USP9X: variants seen among roughly 807,000 people sequenced by gnomAD.
USP9X encodes ubiquitin specific peptidase 9 X-linked.
In USP9X, 7 loss-of-function variants were observed where a neutral mutation model predicts 190.3. That is an observed-to-expected ratio of 0.04 (90% confidence interval 0.02 to 0.07). The LOEUF (loss-of-function observed/expected upper bound fraction) is 0.07, where lower values mean the gene tolerates loss of function less well. USP9X is among the 10% of genes least tolerant of loss of function. USP9X has a pLI of 1.00. For missense variants in USP9X, 1,010 were observed against 1,916.9 expected (o/e 0.53, Z 8.83); for synonymous variants, 645 against 659.5 (o/e 0.98, Z 0.34).
chrX:41,155,614 C>T (rs1051013963), intron 14 of USP9X, among the ~76,000 whole-genome samples: 2 of 111,561 alleles, frequency 1.8e-5, no homozygotes, highest in Non-Finnish European at 3.8e-5. Context: ...GAACGTTTTC[C>T]ACACAAAAAG....
intron 18 of USP9X, 61 bp downstream of exon 18, chrX:41,168,279 T>G: frequency 1.0e-6 from 1 of 997,230 alleles, no homozygotes; most frequent in Non-Finnish European, 1.3e-6. Context: ...TCCTAGCCAT[T>G]TGGTAAAAGG....
At chrX:41,180,558 A>AT (rs774124085) in intron 21 of USP9X, among the ~76,000 whole-genome samples, 3 of 112,625 alleles carry the variant, frequency 2.7e-5, no homozygotes, top group Non-Finnish European at 5.6e-5. Context: ...CTTTGGACTC[A>AT]AATGGACTTG....
intron 32 of USP9X, among the ~76,000 whole-genome samples, chrX:41,207,708 G>A (rs1193583855): frequency 9.0e-6 from 1 of 110,872 alleles, no homozygotes; most frequent in Non-Finnish European, 1.9e-5. Flanking sequence ...GGTGCTTCCC[G>A]GCCAGCTGAG....
chrX:41,182,791 A>G (rs1227960190), intron 21 of USP9X, among the ~76,000 whole-genome samples: 3 of 111,439 alleles, frequency 2.7e-5, no homozygotes, highest in Admixed American at 9.5e-5. Context: ...ATTTTATTAT[A>G]AAAACTATTT....
rs369048101 is a variant in USP9X at position 41,129,187 on chromosome X, A to G, written c.242+42A>G. 24 of 1,169,387 alleles carry G rather than the reference A, an allele frequency of 2.1e-5. No individual in the cohort carries two copies. The African/African-American group carries it at 3.8e-4, about 18-fold the overall frequency. Reference sequence around the variant, plus strand: ...CACCCAAGAAAGAGAGCAGACAGGAAAGTAACCCCACTGCCTCCTTAATAG... The same window carrying G: ...CACCCAAGAAAGAGAGCAGACAGGAGAGTAACCCCACTGCCTCCTTAATAG... On this transcript the variant is annotated intron_variant, in intron 3 of 44. Transcript: ENST00000378308.
intron 36 of USP9X, among the ~76,000 whole-genome samples, chrX:41,217,577 T>C (rs1236027789): frequency 9.0e-6 from 1 of 111,510 alleles, no homozygotes; most frequent in African/African-American, 3.3e-5. Context: ...ATCTTTGACA[T>C]CCCTGCACCA....
In USP9X at chrX:41,218,364, T is replaced by C; in HGVS notation, c.6210-8T>C. The C allele has an allele frequency of 8.3e-7, 1 of 1,207,722 alleles. No individual in the cohort carries two copies. Among genetic ancestry groups the C allele is most frequent in the Non-Finnish European group, 1.1e-6 (1 of 893,352 alleles). On this transcript the variant is annotated splice_region_variant and splice_polypyrimidine_tract_variant and intron_variant, in intron 36 of 44. Transcript: ENST00000378308. Reference sequence around the variant, plus strand: ...TTAATAGTCATAGGTTTTTTTGTTTTATTTTAGGTATGATGCATTGTGTAT... The same window carrying C: ...TTAATAGTCATAGGTTTTTTTGTTTCATTTTAGGTATGATGCATTGTGTAT...
At chrX:41,099,123 A>C (rs376459451) in intron 1 of USP9X, among the ~76,000 whole-genome samples, 2 of 41,608 alleles carry the variant, frequency 4.8e-5, no homozygotes, top group Admixed American at 7.1e-4. Context: ...TTTTTTTTTT[A>C]AACAGAGATG....
chrX:41,178,084 CTTTTTTTTTTTTTTT>C (rs758055868), intron 21 of USP9X, among the ~76,000 whole-genome samples: 5 of 34,294 alleles, frequency 1.5e-4, no homozygotes, highest in Admixed American at 1.2e-3. Context: ...AGGTTTAAAT[CTTTTTTTTTTTTTTT>C]TTTTTTTTTT....
chrX:41,236,075 G>T lies in USP9X; in HGVS notation c.*3551G>T, dbSNP rs1024433303. On this transcript the variant is annotated 3_prime_UTR_variant, in exon 45 of 45. Coordinates refer to ENST00000378308, the MANE Select transcript of USP9X (RefSeq NM_001039591.3). ...TGGATAAGAAAATTGCCTTTTCATT[G>T]TAAGTGCCCAGTTTTGGTCTCTAGT... 43 of 110,710 alleles carry T rather than the reference G, an allele frequency of 3.9e-4. No homozygotes were observed. The highest frequency in any genetic ancestry group is 1.1e-3 in the South Asian group (3 of 2,640). The allele number at this position is 110,710 out of a possible 1,213,427, so 9.1% of individuals were successfully genotyped here.
intron 26 of USP9X, among the ~76,000 whole-genome samples, chrX:41,194,384 G>T (rs893278640): frequency 5.4e-5 from 6 of 110,890 alleles, no homozygotes; most frequent in African/African-American, 2.0e-4. Context: ...GAAAAACGCC[G>T]TCTCTACTAA....
At chrX:41,229,983 C>G (rs2063345901) in intron 43 of USP9X, 3 of 638,394 alleles carry the variant, frequency 4.7e-6, no homozygotes, top group Admixed American at 8.4e-5. Context: ...GGCGGATCAC[C>G]TGAGGTCAGG....
intron 1 of USP9X, among the ~76,000 whole-genome samples, chrX:41,101,113 A>G (rs1462826057): frequency 2.7e-5 from 3 of 111,885 alleles, no homozygotes; most frequent in Non-Finnish European, 3.8e-5. Context: ...TTTATATACT[A>G]TATTTTAAAT....
intron 1 of USP9X, among the ~76,000 whole-genome samples, chrX:41,105,030 C>T (rs1004258060): frequency 9.0e-6 from 1 of 111,122 alleles, no homozygotes; most frequent in Non-Finnish European, 1.9e-5. Flanking sequence ...TTTTGAAGAT[C>T]CTAAATTTCT....
At chrX:41,206,594 C>G in intron 32 of USP9X, among the ~76,000 whole-genome samples, 1 of 110,511 alleles carries the variant, frequency 9.0e-6, no homozygotes, top group Non-Finnish European at 1.9e-5. Context: ...CCTGCATCTT[C>G]TATAAACACC....
chrX:41,137,077 C>T (rs774870632), intron 6 of USP9X, 55 bp downstream of exon 6: 2 of 1,019,255 alleles, frequency 2.0e-6, no homozygotes, highest in African/African-American at 1.9e-5. Context: ...TGTTCTGACA[C>T]AGAATCTTCA....
Position 41,216,273 on chromosome X carries a change from T to C in USP9X, c.5706T>C (p.Asp1902=), listed in dbSNP as rs754780848. Residue 1902 remains aspartate (D), a synonymous_variant, in exon 35 of 45, where the codon GAT becomes GAC. Transcript: ENST00000378308. ...GERNRWYKFD[D]GDVTECKMDD... ...GAAATCGCTGGTATAAATTTGATGA[T>C]GGTGATGTAACAGAATGTAAAATGG... The C allele has an allele frequency of 2.5e-6, 3 of 1,211,701 alleles. No homozygotes were observed. The highest frequency in any genetic ancestry group is 3.3e-6 in the Non-Finnish European group (3 of 895,571).
At chrX:41,225,260 C>T (rs1309654900) in intron 41 of USP9X, 123 bp downstream of exon 41, 1 of 571,691 alleles carries the variant, frequency 1.7e-6, no homozygotes, top group Non-Finnish European at 2.8e-6. Flanking sequence ...TATCTTAAAC[C>T]TAGGACAAGG....
At chrX:41,184,943 T>G (rs916107326) in intron 23 of USP9X, among the ~76,000 whole-genome samples, 8 of 112,230 alleles carry the variant, frequency 7.1e-5, no homozygotes, top group Admixed American at 1.9e-4. Context: ...GAATCTCTTA[T>G]TAACTTGTGC....
Sources: gnomAD v4.1 joint callset for allele counts (sites outside exome capture counted in the v4.1 genomes callset) on GRCh38, gnomAD v4.1.1 for gene constraint, MANE v1.5 for transcripts, NCBI Gene and HGNC (gene_info 2026-07-23, HGNC 2026-07-21) for gene names.